The following UROS variants were observed in gnomAD, a reference collection of about 807,000 sequenced individuals.
UROS encodes uroporphyrinogen-III synthase.
In UROS, 18 loss-of-function variants were observed where a neutral mutation model predicts 33.0. The observed-to-expected ratio is 0.55, with a 90% confidence interval of 0.38 to 0.81. The LOEUF is 0.81. UROS is among the 30% of genes least tolerant of loss of function. UROS has a pLI of 0.00. For synonymous variants in UROS, 114 were observed against 121.1 expected (o/e 0.94, Z 0.38); for missense variants, 293 against 314.9 (o/e 0.93, Z 0.53).
At chr10:125,796,042 C>T in intron 8 of UROS, 61 bp downstream of exon 8, 5 of 1,475,888 alleles carry the variant, frequency 3.4e-6, no homozygotes, top group Non-Finnish European at 4.7e-6. Flanking sequence ...TCGTGCCCTT[C>T]ACCCTCTGCT....
At chr10:125,807,757 G>T (rs865956718) in intron 5 of UROS, among the ~76,000 whole-genome samples, 3 of 152,308 alleles carry the variant, frequency 2.0e-5, no homozygotes, top group Middle Eastern at 3.4e-3. Flanking sequence ...ACAAGAGGGG[G>T]AAAAACCAAC....
At chr10:125,810,927 T>C (rs905059521) in intron 5 of UROS, among the ~76,000 whole-genome samples, 8 of 152,244 alleles carry the variant, frequency 5.3e-5, no homozygotes, top group Admixed American at 4.6e-4. Flanking sequence ...ATATGTTCCC[T>C]GCATTTAGAA....
At chr10:125,813,804 G>A (rs116893391) in intron 4 of UROS, among the ~76,000 whole-genome samples, 2,427 of 152,262 alleles carry the variant, frequency 0.016, 61 homozygotes, top group African/African-American at 0.054. Context: ...AGGTTCTCAC[G>A]CTTTCTTTTC....
chr10:125,816,191 TG>T lies in UROS; in HGVS notation c.132del (p.Ser45ValfsTer43). The T allele has an allele frequency of 6.2e-7, 1 of 1,614,164 alleles. No individual in the cohort carries two copies. Among genetic ancestry groups the T allele is most frequent in the Non-Finnish European group, 8.5e-7 (1 of 1,180,018 alleles). ...ACAGGCCTTACCTTCTCAGAGAAAC[TG>T]GGAAGAGACAAAAACTCAAACGATA... ...PVLSFEFLSL[P>X]SFSEKLSHPE... On this transcript the variant is annotated frameshift_variant, in exon 3 of 10. Transcript: ENST00000368797. LOFTEE classifies it high-confidence loss of function.
At chr10:125,804,563 T>A (rs2133882592) in intron 6 of UROS, among the ~76,000 whole-genome samples, 1 of 152,308 alleles carries the variant, frequency 6.6e-6, no homozygotes, top group African/African-American at 2.4e-5. Context: ...CAGCATCCAA[T>A]ACTTGTATCT....
intron 6 of UROS, chr10:125,802,836 T>C (rs946534469): frequency 3.6e-5 from 54 of 1,490,122 alleles, no homozygotes; most frequent in South Asian, 2.7e-4. Flanking sequence ...TGGAGATGAG[T>C]TGAGGTCAGG....
At chr10:125,807,546 G>A in intron 5 of UROS, 59 bp from the exon 6 acceptor site, 2 of 1,412,942 alleles carry the variant, frequency 1.4e-6, no homozygotes, top group Non-Finnish European at 2.0e-6. Context: ...TTTTGTTCCA[G>A]CGTTATTTTT....
At chr10:125,793,806 A>G (rs1237644365) in intron 9 of UROS, 1 of 152,072 alleles carries the variant, frequency 6.6e-6, no homozygotes, top group Non-Finnish European at 1.5e-5. Context: ...AGGCCTCCCA[A>G]AGTGCTGGGA....
Position 125,798,109 on chromosome 10 carries a change from C to T in UROS, c.431G>A (p.Gly144Glu), listed in dbSNP as rs757739301. ...TGGCAGGATTTCTCTTTTGAGGTTT[C>T]CACAGGGAAATAGAAGAGGCAGTGC... ...SSALPLLFPC[G>E]NLKREILPKA... The change falls in exon 7 of 10, where the codon GGA becomes GAA. Residue 144 changes from glycine to glutamate, a missense_variant. Gly to Glu is a moderately conservative substitution (Grantham distance 98). Transcript: ENST00000368797. The T allele has an allele frequency of 6.2e-7, 1 of 1,614,052 alleles. No individual in the cohort carries two copies. The highest frequency in any genetic ancestry group is 1.7e-5 in the Admixed American group (1 of 60,030).
chr10:125,802,739 A>G, intron 6 of UROS: 1 of 1,407,842 alleles, frequency 7.1e-7, no homozygotes, highest in Non-Finnish European at 9.2e-7. Context: ...CTCTTTAGGT[A>G]CAGCCCAGGT....
At position 125,807,456 on chromosome 10, in the gene UROS, T is replaced by C. The variant is rs1852433013; in HGVS notation, c.351A>G (p.Glu117=). 1 of 1,614,052 alleles carries C rather than the reference T, an allele frequency of 6.2e-7. No homozygotes were observed. Among genetic ancestry groups the C allele is most frequent in the South Asian group, 1.1e-5 (1 of 91,086 alleles). ...VSKIGLDTEG[E]TCGNAEKLAE... is the part of the protein sequence containing the mutation. ...CAAGCTTTTCTGCATTTCCACAGGT[T>C]TCTCCTTCTGTATCCAGGCCAATTT... The change falls in exon 6 of 10, where the codon GAA becomes GAG. Residue 117 remains glutamate (E), a synonymous_variant. Transcript: ENST00000368797.
intron 6 of UROS, among the ~76,000 whole-genome samples, 159 bp from the exon 7 acceptor site, chr10:125,798,304 C>T (rs925630553): frequency 5.3e-5 from 8 of 152,170 alleles, no homozygotes; most frequent in African/African-American, 1.9e-4. Flanking sequence ...GGAAGAGCAC[C>T]TGCTACCTTG....
intron 1 of UROS, among the ~76,000 whole-genome samples, chr10:125,818,030 G>A (rs1367661574): frequency 6.6e-6 from 1 of 152,116 alleles, no homozygotes; most frequent in Non-Finnish European, 1.5e-5. Flanking sequence ...AACCGATGCT[G>A]GCATGAAGTT....
chr10:125,813,783 C>T (rs1853037465), intron 4 of UROS, among the ~76,000 whole-genome samples: 1 of 152,206 alleles, frequency 6.6e-6, no homozygotes, highest in Non-Finnish European at 1.5e-5. Flanking sequence ...CTGGCTGGCT[C>T]TGAGTTTCTT....
chr10:125,820,786 G>A (rs555009555), intron 1 of UROS, among the ~76,000 whole-genome samples: 12 of 152,346 alleles, frequency 7.9e-5, no homozygotes, highest in South Asian at 6.2e-4. Flanking sequence ...ATCCTGGTCT[G>A]AAGCCCATGC....
At position 125,803,149 on chromosome 10, in the gene UROS, T is replaced by A. The variant is rs1851983903; in HGVS notation, c.394+4264A>T. The A allele has an allele frequency of 2.2e-6, 3 of 1,341,258 alleles. No homozygotes were observed. The South Asian group carries it at 3.8e-5, about 17-fold the overall frequency. The allele number at this position is 1,341,258 out of a possible 1,614,324, so 83.1% of individuals were successfully genotyped here. On this transcript the variant is annotated intron_variant, in intron 6 of 9. Coordinates refer to ENST00000368797, the MANE Select transcript of UROS (RefSeq NM_000375.3). ...CTAGGCTTGAGCCCCAGCCTACCAC[T>A]ATTAGCTCTGTTCCTTATGGACAAG...
intron 3 of UROS, 99 bp from the exon 4 acceptor site, chr10:125,815,229 G>T: frequency 7.7e-7 from 1 of 1,305,096 alleles, no homozygotes; most frequent in Non-Finnish European, 1.1e-6. Context: ...CACAATAGTA[G>T]TAGGCAAACT....
intron 1 of UROS, among the ~76,000 whole-genome samples, chr10:125,820,213 T>C (rs1853753390): frequency 6.6e-6 from 1 of 152,200 alleles, no homozygotes; most frequent in African/African-American, 2.4e-5. Flanking sequence ...CATGCAGTTA[T>C]GGAGGCTGAG....
At chr10:125,803,990 T>C (rs1852088029) in intron 6 of UROS, among the ~76,000 whole-genome samples, 1 of 152,260 alleles carries the variant, frequency 6.6e-6, no homozygotes, top group Non-Finnish European at 1.5e-5. Context: ...AGAGGAAATA[T>C]TTCGTTTTCC....
Sources: gnomAD v4.1 joint callset for allele counts (sites outside exome capture counted in the v4.1 genomes callset) on GRCh38, gnomAD v4.1.1 for gene constraint, MANE v1.5 for transcripts, NCBI Gene and HGNC (gene_info 2026-07-23, HGNC 2026-07-21) for gene names.